The following ZDHHC2 variants were observed in gnomAD, a reference collection of about 807,000 sequenced individuals.
ZDHHC2 encodes palmitoyltransferase ZDHHC2.
Under a neutral mutation model 55.6 loss-of-function variants are expected in ZDHHC2, and 51 were observed. The observed-to-expected ratio is 0.92, with a 90% CI of 0.73 to 1.16. The LOEUF (loss-of-function observed/expected upper bound fraction) is 1.16, where lower values mean the gene tolerates loss of function less well. Ranked by LOEUF, ZDHHC2 falls within the 50% of genes most tolerant of loss-of-function variation. The probability of loss-of-function intolerance (pLI) is 0.00; values close to 1 mark genes in which losing one functional copy is unlikely to be tolerated. For synonymous variants in ZDHHC2, 199 were observed against 152.9 expected, an observed-to-expected ratio of 1.30 and a Z score of -2.22; for missense variants, 491 against 442.4, an observed-to-expected ratio of 1.11 and a Z score of -0.99.
chr8:17,197,699 T>G (rs1378647481), intron 5 of ZDHHC2, 48 bp downstream of exon 5: 17 of 1,523,648 alleles, frequency 1.1e-5, no homozygotes, highest in Non-Finnish European at 1.5e-5. Flanking sequence ...GGTGGTCTTT[T>G]TCTTCATTAT....
chr8:17,187,443 A>G (rs1805771265), intron 3 of ZDHHC2, among the ~76,000 whole-genome samples: 1 of 152,158 alleles, frequency 6.6e-6, no homozygotes, highest in Admixed American at 6.5e-5. Context: ...TAGACTGTTT[A>G]CTGAAGTAAT....
intron 1 of ZDHHC2, among the ~76,000 whole-genome samples, chr8:17,184,468 C>G (rs988762881): frequency 6.6e-6 from 1 of 152,190 alleles, no homozygotes; most frequent in African/African-American, 2.4e-5. Context: ...TATCTGAACT[C>G]TATAGTTGGA....
At chr8:17,193,151 C>G (rs189940911) in intron 3 of ZDHHC2, among the ~76,000 whole-genome samples, 1 of 152,178 alleles carries the variant, frequency 6.6e-6, no homozygotes, top group African/African-American at 2.4e-5. Context: ...TATTCTGGGT[C>G]TTTTGTGATT....
chr8:17,178,082 G>A (rs911083933), intron 1 of ZDHHC2, among the ~76,000 whole-genome samples: 5 of 152,126 alleles, frequency 3.3e-5, no homozygotes, highest in African/African-American at 1.2e-4. Context: ...TTATGAAGGT[G>A]TAGTAGCACA....
intron 6 of ZDHHC2, 25 bp from the exon 7 acceptor site, chr8:17,205,630 G>A (rs765094232): frequency 5.1e-6 from 8 of 1,579,148 alleles, no homozygotes; most frequent in Non-Finnish European, 6.8e-6. Context: ...AAAACTCACT[G>A]GAAATGTTTT....
At chr8:17,157,945 C>G (rs186977724) in intron 1 of ZDHHC2, among the ~76,000 whole-genome samples, 48 of 152,302 alleles carry the variant, frequency 3.2e-4, no homozygotes, top group African/African-American at 1.1e-3. Flanking sequence ...CATCTTACCT[C>G]AAAATGTTGC....
rs1484623047 is a variant in ZDHHC2, at chr8:17,156,877, G to T, written c.130+24G>T. ...AGGTGAGTGCGCCCCCCGCCGCGGC[G>T]CCCCCAGCGCAGCGCAGCCCACCCC... On this transcript the variant is annotated intron_variant, in intron 1 of 12. Coordinates refer to ENST00000262096, the MANE Select transcript of ZDHHC2 (RefSeq NM_016353.5). The T allele has an allele frequency of 6.1e-6, 9 of 1,480,650 alleles. No individual in the cohort carries two copies. In the Admixed American group the frequency reaches 1.6e-4, roughly 27 times the overall value. 91.7% of individuals were successfully genotyped at this position (1,480,650 alleles called of 1,614,324 possible). A position where few individuals can be genotyped will look rare whatever the true frequency, so the allele number is the denominator to read the frequency against.
At chr8:17,194,751 G>T (rs1307187107) in intron 3 of ZDHHC2, among the ~76,000 whole-genome samples, 1 of 151,958 alleles carries the variant, frequency 6.6e-6, no homozygotes, top group East Asian at 1.9e-4. Flanking sequence ...CCATTATTTG[G>T]ATATATCATA....
Position 17,210,430 on chromosome 8 carries a change from G to A in ZDHHC2, c.900G>A (p.Gln300=). ...GCSFPTCLVN[Q]DPEQASTPAG... is the part of the protein sequence containing the mutation. The stretch of plus-strand genomic sequence containing the variant: ...CCTTTCCAACTTGCCTTGTTAACCA[G>A]GATCCTGAACAAGCATCTACTCCTG... Residue 300 remains glutamine (Q), a synonymous_variant, in exon 10 of 13, where the codon CAG becomes CAA. Coordinates refer to ENST00000262096, the MANE Select transcript of ZDHHC2 (RefSeq NM_016353.5). 6.2e-7 allele frequency: 1 copy of A among 1,613,180 alleles called. No individual in the cohort carries two copies. Among genetic ancestry groups the A allele is most frequent in the Non-Finnish European group, 8.5e-7 (1 of 1,179,558 alleles).
intron 3 of ZDHHC2, among the ~76,000 whole-genome samples, chr8:17,192,079 G>C (rs986364840): frequency 4.6e-5 from 7 of 152,126 alleles, no homozygotes; most frequent in African/African-American, 1.7e-4. Context: ...GACTTCCTGG[G>C]TTCGAGCAAT....
chr8:17,192,891 T>C (rs6984191), intron 3 of ZDHHC2, among the ~76,000 whole-genome samples: 21,502 of 152,206 alleles, frequency 0.14, 2,141 homozygotes, highest in African/African-American at 0.27. Flanking sequence ...TTCCCCAGTG[T>C]ATGTTCTTGG....
At chr8:17,193,289 G>A (rs937574290) in intron 3 of ZDHHC2, among the ~76,000 whole-genome samples, 2 of 152,204 alleles carry the variant, frequency 1.3e-5, no homozygotes, top group African/African-American at 4.8e-5. Flanking sequence ...ACTGGTAGAT[G>A]TGTACTGCCT....
chr8:17,211,669 CAAAAG>C (rs1474318192), intron 10 of ZDHHC2, among the ~76,000 whole-genome samples: 2 of 151,966 alleles, frequency 1.3e-5, no homozygotes, highest in African/African-American at 4.8e-5. Flanking sequence ...TTTAAATTGT[CAAAAG>C]AGATGAAAGG....
chr8:17,157,251 G>C (rs1804108391), intron 1 of ZDHHC2, among the ~76,000 whole-genome samples: 1 of 152,214 alleles, frequency 6.6e-6, no homozygotes, highest in Non-Finnish European at 1.5e-5. Flanking sequence ...AGCTGCGCCA[G>C]ACCCGCGCGG....
At chr8:17,173,630 C>T (rs66484832) in intron 1 of ZDHHC2, among the ~76,000 whole-genome samples, 21,510 of 150,432 alleles carry the variant, frequency 0.14, 1,975 homozygotes, top group Admixed American at 0.29. Flanking sequence ...CAGCATGAGC[C>T]GTGATTGCAC....
chr8:17,177,268 A>G lies in ZDHHC2; in HGVS notation c.131-7521A>G, dbSNP rs79767145. On this transcript the variant is annotated intron_variant, in intron 1 of 12. Transcript: ENST00000262096. ...AGTGGAATGCTGGGGAATTAGACCA[A>G]TTGGAGTTGGATGAGGAGGTAAAAG... is the stretch of plus-strand genomic sequence containing the variant. 0.016 allele frequency among the ~76,000 whole-genome samples: 2,443 copies of G among 152,182 alleles called. 106 individuals carry two copies. The East Asian group carries it at 0.17, about 11-fold the overall frequency.
intron 1 of ZDHHC2, among the ~76,000 whole-genome samples, chr8:17,157,091 C>T (rs906554301): frequency 1.3e-5 from 2 of 152,096 alleles, no homozygotes; most frequent in East Asian, 3.9e-4. Flanking sequence ...CCGCACTCGC[C>T]GCCGAGCCTC....
chr8:17,168,906 A>G (rs1585650103), intron 1 of ZDHHC2, among the ~76,000 whole-genome samples: 1 of 152,216 alleles, frequency 6.6e-6, no homozygotes, highest in East Asian at 1.9e-4. Context: ...CGTGGCATGT[A>G]TATATCAGAT....
At chr8:17,197,674 A>T (rs1002275225) in intron 5 of ZDHHC2, 23 bp downstream of exon 5, 2 of 1,595,972 alleles carry the variant, frequency 1.3e-6, no homozygotes, top group Non-Finnish European at 1.7e-6. Flanking sequence ...TTAACTTCTA[A>T]AATATCTACA....
Sources: gnomAD v4.1 joint callset for allele counts (sites outside exome capture counted in the v4.1 genomes callset) on GRCh38, gnomAD v4.1.1 for gene constraint, MANE v1.5 for transcripts, NCBI Gene and HGNC (gene_info 2026-07-23, HGNC 2026-07-21) for gene names.